The following CLCN4 variants were observed in gnomAD, a reference collection of about 807,000 sequenced individuals.
CLCN4 encodes H(+)/Cl(-) exchange transporter 4.
A neutral mutation model predicts 41.7 loss-of-function variants in CLCN4; 1 was observed. That is an observed-to-expected ratio of 0.02 (90% CI 0.01 to 0.11). The LOEUF is 0.11. Ranked by LOEUF, CLCN4 falls within the 10% of genes least tolerant of loss-of-function variation. CLCN4 has a pLI of 1.00. For missense variants in CLCN4, 287 were observed against 661.0 expected (o/e 0.43, Z 6.20); for synonymous variants, 277 against 285.8 (o/e 0.97, Z 0.31).
Position 10,221,015 on chromosome X carries a change from G to A in CLCN4, c.2192+138G>A. ...AATGGCAGTAAGCTGTGGTGAATGT[G>A]TTGAGGAGGAAATGTACAGGGAGCT... is the stretch of plus-strand genomic sequence containing the variant. On this transcript the variant is annotated intron_variant, in intron 12 of 12. Transcript: ENST00000380833. 5.5e-6 allele frequency: 3 copies of A among 543,271 alleles called. No individual in the cohort carries two copies. The East Asian group carries it at 1.1e-4, about 20-fold the overall frequency. The allele number at this position is 543,271 out of a possible 1,213,427, so 44.8% of individuals were successfully genotyped here. A position where few individuals can be genotyped will look rare whatever the true frequency, so the allele number is the denominator to read the frequency against.
At chrX:10,186,971 A>T (rs1923829955) in intron 3 of CLCN4, among the ~76,000 whole-genome samples, 1 of 111,914 alleles carries the variant, frequency 8.9e-6, no homozygotes, top group Admixed American at 9.4e-5. Context: ...TGAGGGAATG[A>T]TGATCTCAGA....
In CLCN4 at chrX:10,198,072, G is replaced by C. The variant is rs762982577; in HGVS notation, c.555+11G>C. 3 of 1,205,196 alleles carry C rather than the reference G, an allele frequency of 2.5e-6. No homozygotes were observed. The African/African-American group carries it at 5.3e-5, about 21-fold the overall frequency. ...TCTGGCATACCAGAGGTGAGTTCTGGCTGATTTTTTTGGTACCAATAATAA... is the reference window on the plus strand; with the variant it reads ...TCTGGCATACCAGAGGTGAGTTCTGCCTGATTTTTTTGGTACCAATAATAA... On this transcript the variant is annotated intron_variant, in intron 6 of 12. Coordinates refer to ENST00000380833, the MANE Select transcript of CLCN4 (RefSeq NM_001830.4).
In CLCN4 at chrX:10,186,079, C is replaced by T. The variant is rs764473279; in HGVS notation, c.144+903C>T. 9.9e-5 allele frequency among the ~76,000 whole-genome samples: 11 copies of T among 110,928 alleles called. No individual in the cohort carries two copies. The South Asian group carries it at 3.9e-3, about 39-fold the overall frequency. ...GGAGGGGAATGGGGTCACAGAACAC[C>T]AGGCTTTGGCCTGATGAGGATGATG... On this transcript the variant is annotated intron_variant, in intron 3 of 12. Coordinates refer to ENST00000380833, the MANE Select transcript of CLCN4 (RefSeq NM_001830.4).
At chrX:10,198,130 C>G in intron 6 of CLCN4, 69 bp downstream of exon 6, 3 of 1,052,050 alleles carry the variant, frequency 2.9e-6, no homozygotes, top group Admixed American at 4.7e-5. Context: ...ACTGTCATGC[C>G]AAGCACAGTT....
chrX:10,209,995 A>G (rs1055494104), intron 9 of CLCN4, among the ~76,000 whole-genome samples: 1 of 111,428 alleles, frequency 9.0e-6, no homozygotes, highest in East Asian at 2.8e-4. Flanking sequence ...CTCCATTAAC[A>G]GTCATTCCCC....
chrX:10,224,333 T>C (rs1839418307), intron 12 of CLCN4, among the ~76,000 whole-genome samples: 1 of 102,086 alleles, frequency 9.8e-6, no homozygotes, highest in Non-Finnish European at 2.0e-5. Flanking sequence ...TGTGTGTGTG[T>C]ATGTGAGTGT....
At chrX:10,168,670 G>A (rs1183467287) in intron 2 of CLCN4, among the ~76,000 whole-genome samples, 2 of 111,289 alleles carry the variant, frequency 1.8e-5, no homozygotes, top group East Asian at 2.8e-4. Flanking sequence ...AAAGGTAAGC[G>A]TGCAGCTTGA....
At chrX:10,205,919 T>C (rs779790355) in intron 6 of CLCN4, among the ~76,000 whole-genome samples, 159 of 110,604 alleles carry the variant, frequency 1.4e-3, no homozygotes, top group African/African-American at 4.8e-3. Flanking sequence ...GTGCCCAGCC[T>C]GGGGTAGCAT....
At chrX:10,201,898 A>C (rs1924245946) in intron 6 of CLCN4, among the ~76,000 whole-genome samples, 1 of 112,053 alleles carries the variant, frequency 8.9e-6, no homozygotes, top group East Asian at 2.8e-4. Flanking sequence ...GCTTGAGGCC[A>C]GGAGTTCGAG....
intron 12 of CLCN4, among the ~76,000 whole-genome samples, chrX:10,223,815 A>G (rs919542044): frequency 3.6e-5 from 4 of 111,963 alleles, no homozygotes; most frequent in African/African-American, 1.3e-4. Context: ...ATTTTCCCCA[A>G]GCCCTGCTAG....
At chrX:10,189,796 T>G (rs893529721) in intron 4 of CLCN4, among the ~76,000 whole-genome samples, 1 of 112,006 alleles carries the variant, frequency 8.9e-6, no homozygotes, top group African/African-American at 3.3e-5. Context: ...CACCGCTAGG[T>G]GTCACTGTTG....
chrX:10,222,017 G>A (rs898270071), intron 12 of CLCN4, among the ~76,000 whole-genome samples: 1 of 112,711 alleles, frequency 8.9e-6, no homozygotes, highest in Non-Finnish European at 1.9e-5. Flanking sequence ...CATAAGCAAA[G>A]GTAAAATTCA....
rs770285422 is a variant in CLCN4, at chrX:10,212,840, G to GACAC, written c.1576+203_1576+206dup. 1.6e-4 allele frequency among the ~76,000 whole-genome samples: 17 copies of GACAC among 107,470 alleles called. 1 individual carries two copies. The highest frequency in any genetic ancestry group is 5.8e-4 in the African/African-American group (17 of 29,126). The allele number at this position is 107,470 out of a possible 115,157, so 93.3% of individuals were successfully genotyped here. On this transcript the variant is annotated intron_variant, in intron 10 of 12. Transcript: ENST00000380833. ...AAGGCTATGTCTCGCTCACTATGCA[G>GACAC]ACACACACACACACACACAAACAGA...
At position 10,179,497 on chromosome X, in the gene CLCN4, C is replaced by T. The variant is rs768102005; in HGVS notation, c.-11-5525C>T. Among the ~76,000 whole-genome samples, 80 of 111,243 alleles carry T rather than the reference C, an allele frequency of 7.2e-4. 1 individual carries two copies. The highest frequency in any genetic ancestry group is 1.3e-3 in the Non-Finnish European group (70 of 53,028). On this transcript the variant is annotated intron_variant, in intron 2 of 12. Transcript: ENST00000380833. ...GAGGAGTTTTTAGGAAAAGCTATTT[C>T]GAATGTCAGGCATAGATTCATGTTT...
rs185874653 is a variant in CLCN4 at position 10,236,687 on chromosome X, G to A, written c.*3103G>A. 8 of 111,418 alleles carry A rather than the reference G, an allele frequency of 7.2e-5. No homozygotes were observed. The highest frequency in any genetic ancestry group is 2.6e-4 in the African/African-American group (8 of 30,687). The allele number at this position is 111,418 out of a possible 1,213,427, so 9.2% of individuals were successfully genotyped here. ...TCTGGTGATCTGATGAACAGCATGG[G>A]GACGTGGAGGTGAAATAAGCATCTT... is the stretch of plus-strand genomic sequence containing the variant. On this transcript the variant is annotated 3_prime_UTR_variant, in exon 13 of 13. Transcript: ENST00000380833.
At chrX:10,214,643 G>A (rs954344496) in intron 11 of CLCN4, among the ~76,000 whole-genome samples, 2 of 112,750 alleles carry the variant, frequency 1.8e-5, no homozygotes, top group African/African-American at 3.2e-5. Flanking sequence ...GTGGGTAAAT[G>A]TGCAGACATC....
chrX:10,195,424 G>T (rs761445612), intron 5 of CLCN4, among the ~76,000 whole-genome samples: 3 of 111,057 alleles, frequency 2.7e-5, no homozygotes, highest in East Asian at 5.6e-4. Flanking sequence ...AAGAAACAAG[G>T]TTGACTTTGA....
At chrX:10,190,677 G>A (rs1318260768) in intron 4 of CLCN4, among the ~76,000 whole-genome samples, 1 of 111,828 alleles carries the variant, frequency 8.9e-6, no homozygotes, top group Non-Finnish European at 1.9e-5. Context: ...TTTTCACTGG[G>A]TTTCAGTTTC....
At position 10,217,026 on chromosome X, in the gene CLCN4, C is replaced by G. The variant is rs192291167; in HGVS notation, c.1975+2947C>G. On this transcript the variant is annotated intron_variant, in intron 11 of 12. Coordinates refer to ENST00000380833, the MANE Select transcript of CLCN4 (RefSeq NM_001830.4). ...AATCTTTACTTTTTTATCATATCAT[C>G]TTTGTACTACTTCTGTGGTTGCTTT... 5.1e-3 allele frequency among the ~76,000 whole-genome samples: 528 copies of G among 103,671 alleles called. 4 individuals are homozygous for G. The highest frequency in any genetic ancestry group is 0.017 in the African/African-American group (489 of 28,467). 90.0% of individuals were successfully genotyped at this position (103,671 alleles called of 115,157 possible). A position where few individuals can be genotyped will look rare whatever the true frequency, so the allele number is the denominator to read the frequency against.
Sources: allele counts gnomAD v4.1 joint callset (sites outside exome capture counted in the v4.1 genomes callset), GRCh38; gene constraint gnomAD v4.1.1; transcripts MANE v1.5; gene names NCBI Gene and HGNC (gene_info 2026-07-23, HGNC 2026-07-21).